GFRA1: variants seen among roughly 807,000 people sequenced by gnomAD.
GFRA1 encodes GDNF family receptor alpha 1, also known as GDNF family receptor alpha-1.
Under a neutral mutation model 51.6 loss-of-function variants are expected in GFRA1, and 16 were observed. That is an observed-to-expected ratio of 0.31 (90% CI 0.21 to 0.47). The LOEUF is 0.47. Among genes scored for constraint, GFRA1 ranks in the 20% least tolerant of loss-of-function variants. The pLI is 1.00. For synonymous variants in GFRA1, 270 were observed against 241.3 expected, an observed-to-expected ratio of 1.12 and a Z score of -1.10; for missense variants, 530 against 594.3, an observed-to-expected ratio of 0.89 and a Z score of 1.13.
rs1432161839 is a variant in GFRA1 at position 116,153,415 on chromosome 10, T to C, written c.434-27858A>G. The stretch of plus-strand genomic sequence containing the variant: ...TGAAAAGTGATCAATCTCCCATGGT[T>C]ACCTGGTCAGGGTCAAGCCTTTGCA... On this transcript the variant is annotated intron_variant, in intron 5 of 10. Transcript: ENST00000355422. Among the ~76,000 whole-genome samples, 4 of 152,346 alleles carry C rather than the reference T, an allele frequency of 2.6e-5. No individual in the cohort carries two copies. In the East Asian group the frequency reaches 7.7e-4, roughly 29 times the overall value.
chr10:116,133,071 T>G (rs998243370), intron 5 of GFRA1, among the ~76,000 whole-genome samples: 1 of 152,048 alleles, frequency 6.6e-6, no homozygotes, highest in Non-Finnish European at 1.5e-5. Flanking sequence ...TATTCATTCT[T>G]TAACTTGGTA....
intron 5 of GFRA1, among the ~76,000 whole-genome samples, chr10:116,195,568 C>T (rs1963662100): frequency 6.6e-6 from 1 of 152,228 alleles, no homozygotes; most frequent in African/African-American, 2.4e-5. Flanking sequence ...CACTGCTGAT[C>T]TGACAGGAGG....
intron 4 of GFRA1, among the ~76,000 whole-genome samples, chr10:116,217,838 G>A (rs1037281124): frequency 5.3e-5 from 8 of 152,100 alleles, no homozygotes; most frequent in South Asian, 4.1e-4. Flanking sequence ...AAGAGAACAC[G>A]ATAACTGGTA....
intron 9 of GFRA1, among the ~76,000 whole-genome samples, chr10:116,082,266 T>G (rs1955882764): frequency 6.6e-6 from 1 of 152,122 alleles, no homozygotes; most frequent in African/African-American, 2.4e-5. Flanking sequence ...CAGATGAAGC[T>G]CCCAGGAGAT....
chr10:116,099,116 A>G (rs1820756797), intron 6 of GFRA1, among the ~76,000 whole-genome samples: 1 of 152,200 alleles, frequency 6.6e-6, no homozygotes, highest in South Asian at 2.1e-4. Context: ...TATAGGATTC[A>G]CATGTTACGG....
chr10:116,251,540 G>A (rs1175408080), intron 4 of GFRA1, among the ~76,000 whole-genome samples: 1 of 152,106 alleles, frequency 6.6e-6, no homozygotes, highest in Non-Finnish European at 1.5e-5. Context: ...GAACAGAAGG[G>A]TCTAGCAAAA....
chr10:116,227,596 T>C (rs1247025558), intron 4 of GFRA1, among the ~76,000 whole-genome samples: 2 of 152,226 alleles, frequency 1.3e-5, no homozygotes, highest in African/African-American at 4.8e-5. Context: ...GAGACACTCT[T>C]AAATTCCTGT....
rs182522224 is a variant in GFRA1 at position 116,268,229 on chromosome 10, C to A, written c.418+1274G>T. ...AATTTGAGTTTCAGTTCTGGTTCTA[C>A]CATTTAAGACTTTTGTGATTTGGGG... On this transcript the variant is annotated intron_variant, in intron 4 of 10. Transcript: ENST00000355422. Among the ~76,000 whole-genome samples, 309 of 152,274 alleles carry A rather than the reference C, an allele frequency of 2.0e-3. 1 individual carries two copies. Among genetic ancestry groups the A allele is most frequent in the Non-Finnish European group, 3.6e-3 (244 of 68,020 alleles).
At chr10:116,213,904 C>T (rs1965380512) in intron 4 of GFRA1, among the ~76,000 whole-genome samples, 2 of 152,278 alleles carry the variant, frequency 1.3e-5, no homozygotes, top group Non-Finnish European at 2.9e-5. Flanking sequence ...ATTTCTTTTA[C>T]ACTCAGCAAA....
At chr10:116,264,988 T>C (rs1171744695) in intron 4 of GFRA1, among the ~76,000 whole-genome samples, 2 of 152,210 alleles carry the variant, frequency 1.3e-5, no homozygotes, top group Non-Finnish European at 2.9e-5. Flanking sequence ...CTCCAACATG[T>C]AGACTTTGTG....
intron 6 of GFRA1, among the ~76,000 whole-genome samples, chr10:116,123,480 G>A (rs1052237145): frequency 6.6e-6 from 1 of 152,210 alleles, no homozygotes; most frequent in African/African-American, 2.4e-5. Context: ...AGGACTTACA[G>A]TTTTCTTTGG....
At chr10:116,131,622 T>A (rs1286072683) in intron 5 of GFRA1, among the ~76,000 whole-genome samples, 1 of 151,906 alleles carries the variant, frequency 6.6e-6, no homozygotes, top group Non-Finnish European at 1.5e-5. Flanking sequence ...CATGGATGAA[T>A]CTCAAAAAAA....
At position 116,098,238 on chromosome 10, in the gene GFRA1, C is replaced by T. The variant is rs116816039; in HGVS notation, c.771-1474G>A. Among the ~76,000 whole-genome samples, 430 of 152,308 alleles carry T rather than the reference C, an allele frequency of 2.8e-3. 2 individuals are homozygous for T. Among genetic ancestry groups the T allele is most frequent in the African/African-American group, 9.2e-3 (384 of 41,558 alleles). ...AGTCTCCCCAGACAGGGCCATGTGCCGAAGCTAAGTGCTTTGGCAAAATCC... is the reference window on the plus strand; with the variant it reads ...AGTCTCCCCAGACAGGGCCATGTGCTGAAGCTAAGTGCTTTGGCAAAATCC... On this transcript the variant is annotated intron_variant, in intron 6 of 10. Coordinates refer to ENST00000355422, the MANE Select transcript of GFRA1 (RefSeq NM_005264.8).
chr10:116,111,939 G>A, intron 6 of GFRA1, among the ~76,000 whole-genome samples: 1 of 152,192 alleles, frequency 6.6e-6, no homozygotes, highest in East Asian at 1.9e-4. Flanking sequence ...CGCTCTGTGG[G>A]CACAGGCGCC....
chr10:116,199,853 G>T (rs1964188285), intron 5 of GFRA1, among the ~76,000 whole-genome samples: 1 of 152,188 alleles, frequency 6.6e-6, no homozygotes, highest in Non-Finnish European at 1.5e-5. Context: ...CATCCCAGAA[G>T]ATTCCCTCTT....
At chr10:116,074,403 A>G (rs1955529237) in intron 9 of GFRA1, among the ~76,000 whole-genome samples, 1 of 152,206 alleles carries the variant, frequency 6.6e-6, no homozygotes, top group Non-Finnish European at 1.5e-5. Context: ...CCAGGCTCAC[A>G]CAGCCAGCAT....
At chr10:116,240,026 A>C (rs942363336) in intron 4 of GFRA1, among the ~76,000 whole-genome samples, 1 of 152,204 alleles carries the variant, frequency 6.6e-6, no homozygotes, top group African/African-American at 2.4e-5. Flanking sequence ...GGGAGAAAGG[A>C]TATCTACAAG....
At chr10:116,109,620 A>T (rs1957127676) in intron 6 of GFRA1, among the ~76,000 whole-genome samples, 1 of 152,074 alleles carries the variant, frequency 6.6e-6, no homozygotes, top group African/African-American at 2.4e-5. Context: ...AGGACACAAA[A>T]GTCTTCCCCA....
At chr10:116,167,956 G>C (rs894649954) in intron 5 of GFRA1, among the ~76,000 whole-genome samples, 7 of 152,068 alleles carry the variant, frequency 4.6e-5, no homozygotes, top group East Asian at 1.9e-4. Flanking sequence ...GGGAAGATTG[G>C]GGGGAGGGTG....
Sources: allele counts gnomAD v4.1 joint callset (sites outside exome capture counted in the v4.1 genomes callset), GRCh38; gene constraint gnomAD v4.1.1; transcripts MANE v1.5; gene names NCBI Gene and HGNC (gene_info 2026-07-23, HGNC 2026-07-21).